Variants in PHTF2 observed in about 807,000 individuals in gnomAD.
The protein encoded by PHTF2 is protein PHTF2.
Under a neutral mutation model 101.2 loss-of-function variants are expected in PHTF2, and 60 were observed. The ratio of observed to expected loss-of-function variants is 0.59; its 90% confidence interval spans 0.48 to 0.73. The LOEUF (loss-of-function observed/expected upper bound fraction) is 0.73, where lower values mean the gene tolerates loss of function less well. Ranked by LOEUF, PHTF2 falls within the 30% of genes least tolerant of loss-of-function variation. PHTF2 has a pLI of 0.00. For missense variants in PHTF2, 747 were observed against 908.7 expected, an observed-to-expected ratio of 0.82 and a Z score of 2.29; for synonymous variants, 311 against 307.3, an observed-to-expected ratio of 1.01 and a Z score of -0.13.
chr7:77,910,132 T>C lies in PHTF2; in HGVS notation c.612-113T>C, dbSNP rs1802242352. On this transcript the variant is annotated intron_variant, in intron 8 of 19. Coordinates refer to ENST00000416283, the Ensembl canonical transcript of PHTF2. Reference sequence around the variant, plus strand: ...TATCTAGTAAATCTAAATTTTATTATGTGTTAAGTAAAGTTCCTGTGTTTA... The same window carrying C: ...TATCTAGTAAATCTAAATTTTATTACGTGTTAAGTAAAGTTCCTGTGTTTA... 9.9e-6 allele frequency: 7 copies of C among 707,404 alleles called. No homozygotes were observed. The South Asian group carries it at 1.4e-4, about 14-fold the overall frequency. 43.8% of individuals were successfully genotyped at this position (707,404 alleles called of 1,614,324 possible).
chr7:77,891,626 G>A (rs543831824), intron 3 of PHTF2, among the ~76,000 whole-genome samples: 1 of 151,900 alleles, frequency 6.6e-6, no homozygotes, highest in African/African-American at 2.4e-5. Flanking sequence ...ATACTCTGCT[G>A]CCCTGGCTGG....
intron 12 of PHTF2, among the ~76,000 whole-genome samples, chr7:77,936,227 A>G (rs1184991232): frequency 6.6e-6 from 1 of 152,188 alleles, no homozygotes; most frequent in Non-Finnish European, 1.5e-5. Context: ...AGTTTACAAG[A>G]AACATTTTTT....
intron 2 of PHTF2, among the ~76,000 whole-genome samples, chr7:77,841,459 A>G (rs969257520): frequency 8.5e-5 from 13 of 152,202 alleles, no homozygotes; most frequent in Admixed American, 5.2e-4. Context: ...AACTAAGAAT[A>G]TGGCCTTTTT....
rs116517408 is a variant in PHTF2, at chr7:77,857,808, A to G, written c.147+2974A>G. On this transcript the variant is annotated intron_variant, in intron 3 of 19. Transcript: ENST00000416283. Reference sequence around the variant, plus strand: ...AATTCCACTTTGTTCATGTATATAAAGGGATAACACTGTCTTTTATATTTA... The same window carrying G: ...AATTCCACTTTGTTCATGTATATAAGGGGATAACACTGTCTTTTATATTTA... 3.8e-3 allele frequency among the ~76,000 whole-genome samples: 574 copies of G among 152,310 alleles called. 4 individuals are homozygous for G. Among genetic ancestry groups the G allele is most frequent in the African/African-American group, 0.013 (547 of 41,566 alleles).
At chr7:77,921,764 A>G (rs1388106871) in intron 10 of PHTF2, among the ~76,000 whole-genome samples, 2 of 152,206 alleles carry the variant, frequency 1.3e-5, no homozygotes, top group African/African-American at 4.8e-5. Context: ...AAATATCAAT[A>G]AAACGTATGC....
At chr7:77,860,739 T>C (rs920732824) in intron 3 of PHTF2, among the ~76,000 whole-genome samples, 11 of 152,150 alleles carry the variant, frequency 7.2e-5, no homozygotes, top group African/African-American at 2.7e-4. Context: ...TGAGGCAGGC[T>C]CTCACTCTGT....
intron 13 of PHTF2, among the ~76,000 whole-genome samples, chr7:77,939,589 C>T: frequency 1.3e-5 from 1 of 75,114 alleles, no homozygotes; most frequent in South Asian, 4.8e-4. Context: ...GACCCTGTCT[C>T]AAAAAAAAAA....
At chr7:77,887,695 T>A (rs1799991645) in intron 3 of PHTF2, among the ~76,000 whole-genome samples, 2 of 152,208 alleles carry the variant, frequency 1.3e-5, no homozygotes, top group Admixed American at 1.3e-4. Flanking sequence ...GCCAGACATG[T>A]TACCAAAGAT....
At chr7:77,809,345 G>A (rs923179470) in intron 1 of PHTF2, among the ~76,000 whole-genome samples, 5 of 149,298 alleles carry the variant, frequency 3.3e-5, no homozygotes, top group Non-Finnish European at 5.9e-5. Flanking sequence ...TCCTGCCTCA[G>A]CCTCCCAAAT....
At chr7:77,957,395 T>C (rs1807046231) in exon 20 of PHTF2, 1 of 152,220 alleles carries the variant, frequency 6.6e-6, no homozygotes, top group Non-Finnish European at 1.5e-5. Flanking sequence ...AATACACAGG[T>C]TTTTCATCAC....
chr7:77,808,275 A>G (rs1388395392), intron 1 of PHTF2, among the ~76,000 whole-genome samples: 1 of 152,168 alleles, frequency 6.6e-6, no homozygotes, highest in Non-Finnish European at 1.5e-5. Context: ...TTTGGGTAGT[A>G]TGGAAATTTT....
intron 7 of PHTF2, among the ~76,000 whole-genome samples, chr7:77,903,322 G>A (rs919088096): frequency 3.9e-5 from 6 of 152,104 alleles, no homozygotes; most frequent in African/African-American, 1.4e-4. Flanking sequence ...CTTAATTTAA[G>A]TATAGTTATC....
intron 1 of PHTF2, among the ~76,000 whole-genome samples, chr7:77,839,495 TTTAATC>T (rs1795709005): frequency 6.6e-6 from 1 of 152,246 alleles, no homozygotes; most frequent in Non-Finnish European, 1.5e-5. Context: ...TATCAGCAGT[TTTAATC>T]TGTTTCTTGT....
chr7:77,850,360 CAAAAAA>C (rs71082789), intron 2 of PHTF2, among the ~76,000 whole-genome samples: 38 of 44,388 alleles, frequency 8.6e-4, no homozygotes, highest in South Asian at 4.8e-3. Context: ...GACCTTGTCT[CAAAAAA>C]AAAAAAAAAA....
At chr7:77,898,039 G>C (rs12539573) in intron 5 of PHTF2, among the ~76,000 whole-genome samples, 2 of 150,560 alleles carry the variant, frequency 1.3e-5, no homozygotes, top group Non-Finnish European at 3.0e-5. Context: ...GGCTACCTTA[G>C]AGGGAAAATT....
chr7:77,931,142 G>A (rs1318394798), intron 12 of PHTF2, among the ~76,000 whole-genome samples: 1 of 152,070 alleles, frequency 6.6e-6, no homozygotes, highest in East Asian at 1.9e-4. Flanking sequence ...AGTTTCTAAA[G>A]GTGAAAAGCG....
chr7:77,952,927 G>A (rs1381959530), intron 18 of PHTF2, among the ~76,000 whole-genome samples: 1 of 152,016 alleles, frequency 6.6e-6, no homozygotes, highest in African/African-American at 2.4e-5. Context: ...GGCCCTATGT[G>A]AGATCCTTGT....
At chr7:77,823,033 T>C (rs1394123016) in intron 1 of PHTF2, among the ~76,000 whole-genome samples, 4 of 146,582 alleles carry the variant, frequency 2.7e-5, no homozygotes, top group African/African-American at 5.1e-5. Context: ...GCCTCCCGAG[T>C]AGCTGGGACT....
At chr7:77,923,578 T>G in intron 11 of PHTF2, 1 of 985,462 alleles carries the variant, frequency 1.0e-6, no homozygotes, top group South Asian at 4.7e-5. Flanking sequence ...TTCTGGTGAT[T>G]GTGGTTTTGT....
Sources: gnomAD v4.1 joint callset for allele counts (sites outside exome capture counted in the v4.1 genomes callset) on GRCh38, gnomAD v4.1.1 for gene constraint, MANE v1.5 for transcripts, NCBI Gene and HGNC (gene_info 2026-07-23, HGNC 2026-07-21) for gene names.